The following CDK13 variants were observed in gnomAD, a reference collection of about 807,000 sequenced individuals.
The protein encoded by CDK13 is cyclin-dependent kinase 13.
A neutral mutation model predicts 137.6 loss-of-function variants in CDK13; 40 were observed. The observed-to-expected ratio is 0.29, with a 90% CI of 0.23 to 0.38. The LOEUF is 0.38. Ranked by LOEUF, CDK13 falls within the 10% of genes least tolerant of loss-of-function variation. The probability of loss-of-function intolerance (pLI) is 1.00; values close to 1 mark genes in which losing one functional copy is unlikely to be tolerated. For synonymous variants in CDK13, 869 were observed against 760.1 expected (o/e 1.14, Z -2.36); for missense variants, 1,704 against 1,951.8 (o/e 0.87, Z 2.39).
Position 40,093,255 on chromosome 7 carries a change from A to G in CDK13, c.3688+18A>G, listed in dbSNP as rs1163037504. On this transcript the variant is annotated intron_variant, in intron 13 of 13. Coordinates refer to ENST00000181839, the MANE Select transcript of CDK13 (RefSeq NM_003718.5). ...GGTGTCGGGTAAGTGTGCAGATACC[A>G]GACCACTAACACAGCTGCATTACAT... 5.1e-6 allele frequency: 8 copies of G among 1,577,296 alleles called. No homozygotes were observed. The highest frequency in any genetic ancestry group is 2.2e-5 in the East Asian group (1 of 44,668).
chr7:40,088,206 T>C lies in CDK13; in HGVS notation c.3110T>C (p.Val1037Ala). The C allele has an allele frequency of 1.2e-6, 2 of 1,614,076 alleles. No individual in the cohort carries two copies. The highest frequency in any genetic ancestry group is 1.7e-6 in the Non-Finnish European group (2 of 1,180,002). The change falls in exon 12 of 14, where the codon GTT becomes GCT. Residue 1037 changes from valine to alanine, a missense_variant. By Grantham distance (64) the Val-to-Ala change is moderately conservative (BLOSUM62 0). This residue lies in a region of CDK13 where 475 missense variants were observed against 579.3 expected (regional missense o/e 0.82). Transcript: ENST00000181839. ...RQKQMGMTDD[V>A]STIKAPRKDL... ...AAGCAGATGGGCATGACTGATGATG[T>C]TTCCACAATTAAAGCCCCCAGGAAG...
chr7:40,065,289 C>G (rs1786256201), intron 9 of CDK13, among the ~76,000 whole-genome samples: 1 of 151,896 alleles, frequency 6.6e-6, no homozygotes, highest in Non-Finnish European at 1.5e-5. Context: ...ATGGAAACAA[C>G]AAAGTCTCTT....
intron 1 of CDK13, among the ~76,000 whole-genome samples, chr7:39,983,829 A>AGT (rs1362480264): frequency 6.6e-6 from 1 of 152,216 alleles, no homozygotes; most frequent in East Asian, 1.9e-4. Context: ...CCTATATTAA[A>AGT]GTTAACCAAG....
chr7:39,950,667 T>TG lies in CDK13; in HGVS notation c.32dup (p.Gly12ArgfsTer124). The stretch of plus-strand genomic sequence containing the variant: ...ATGCCGAGCAGCTCGGACACGGCGC[T>TG]GGGGGGAGGCGGGGGCCTGAGCTGG... On this transcript the variant is annotated frameshift_variant, in exon 1 of 14. Coordinates refer to ENST00000181839, the MANE Select transcript of CDK13 (RefSeq NM_003718.5). LOFTEE classifies it high-confidence loss of function. 7.3e-7 allele frequency: 1 copy of TG among 1,375,540 alleles called. No homozygotes were observed. The highest frequency in any genetic ancestry group is 9.4e-7 in the Non-Finnish European group (1 of 1,068,594). The allele number at this position is 1,375,540 out of a possible 1,614,324, so 85.2% of individuals were successfully genotyped here. A position where few individuals can be genotyped will look rare whatever the true frequency, so the allele number is the denominator to read the frequency against.
intron 2 of CDK13, among the ~76,000 whole-genome samples, chr7:39,992,006 T>TGCAC (rs1233912389): frequency 6.6e-6 from 1 of 151,848 alleles, no homozygotes; most frequent in East Asian, 2.0e-4. Flanking sequence ...GAGCTGTGAT[T>TGCAC]GCACCACTGC....
chr7:39,953,990 T>C (rs1787324214), intron 1 of CDK13, among the ~76,000 whole-genome samples: 1 of 152,268 alleles, frequency 6.6e-6, no homozygotes, highest in Non-Finnish European at 1.5e-5. Flanking sequence ...TTTTAAAGCA[T>C]GCAGCCTTAC....
chr7:40,031,864 A>T (rs1785388671), intron 5 of CDK13, among the ~76,000 whole-genome samples: 1 of 138,378 alleles, frequency 7.2e-6, no homozygotes, highest in African/African-American at 2.6e-5. Context: ...TATTATTATT[A>T]TTGGGAGAAA....
Position 40,088,135 on chromosome 7 carries a change from A to G in CDK13, c.3039A>G (p.Leu1013=). 6.2e-7 allele frequency: 1 copy of G among 1,608,864 alleles called. No individual in the cohort carries two copies. The highest frequency in any genetic ancestry group is 8.5e-7 in the Non-Finnish European group (1 of 1,177,862). ...CCTTTTTTTTTTTCAGTCTCCCTTTATGGCAAGATTGTCATGAGTTATGGA... is the reference window on the plus strand; with the variant it reads ...CCTTTTTTTTTTTCAGTCTCCCTTTGTGGCAAGATTGTCATGAGTTATGGA... ...PSKMPPPDLP[L]WQDCHELWSK... is the part of the protein sequence containing the mutation. The change falls in exon 12 of 14, where the codon TTA becomes TTG. Residue 1013 remains leucine, a synonymous_variant. Coordinates refer to ENST00000181839, the MANE Select transcript of CDK13 (RefSeq NM_003718.5).
At chr7:40,056,125 T>C (rs1562752684) in intron 7 of CDK13, among the ~76,000 whole-genome samples, 1 of 152,208 alleles carries the variant, frequency 6.6e-6, no homozygotes, top group Non-Finnish European at 1.5e-5. Context: ...TATTCTCTTC[T>C]GACTCCACCT....
chr7:40,058,907 CTT>C (rs1280047447), intron 7 of CDK13, among the ~76,000 whole-genome samples: 1 of 152,052 alleles, frequency 6.6e-6, no homozygotes, highest in African/African-American at 2.4e-5. Flanking sequence ...TGAAGACTCT[CTT>C]TGTCTCAAAA....
chr7:40,085,854 GTTACT>G (rs1786775675), intron 11 of CDK13: 1 of 152,118 alleles, frequency 6.6e-6, no homozygotes, highest in South Asian at 2.1e-4. Context: ...ATTTATTTTA[GTTACT>G]TTAGTTATTT....
At chr7:40,073,558 CTTTT>C (rs1013359801) in intron 9 of CDK13, 1 of 119,828 alleles carries the variant, frequency 8.3e-6, no homozygotes, top group South Asian at 2.7e-4. Context: ...GCTTTTCTTT[CTTTT>C]TCTTTTTCTT....
intron 5 of CDK13, among the ~76,000 whole-genome samples, chr7:40,039,081 C>CT (rs1363231242): frequency 2.0e-5 from 3 of 151,724 alleles, no homozygotes; most frequent in East Asian, 3.9e-4. Flanking sequence ...AATTGTCTCT[C>CT]TTTCTCACTT....
At chr7:40,079,903 T>C (rs951955349) in intron 11 of CDK13, among the ~76,000 whole-genome samples, 1 of 152,134 alleles carries the variant, frequency 6.6e-6, no homozygotes, top group Non-Finnish European at 1.5e-5. Context: ...TAGGATTGAT[T>C]TGGGGAGTAG....
In CDK13 at chr7:40,087,546, G is replaced by GTTTT. The variant is rs35686770; in HGVS notation, c.3030-563_3030-560dup. On this transcript the variant is annotated intron_variant, in intron 11 of 13. Transcript: ENST00000181839. The stretch of plus-strand genomic sequence containing the variant: ...AGGTTGCACCAACAGCAATAGTGGT[G>GTTTT]TTTTTTTTTTTTTTTTTTTTGAGAC... Among the ~76,000 whole-genome samples, 184 of 112,016 alleles carry GTTTT rather than the reference G, an allele frequency of 1.6e-3. 6 individuals carry two copies. Among genetic ancestry groups the GTTTT allele is most frequent in the African/African-American group, 5.6e-3 (154 of 27,290 alleles). 73.5% of individuals were successfully genotyped at this position (112,016 alleles called of 152,430 possible).
chr7:40,021,188 A>T (rs1405200706), intron 5 of CDK13, among the ~76,000 whole-genome samples: 1 of 150,552 alleles, frequency 6.6e-6, no homozygotes, highest in Non-Finnish European at 1.5e-5. Context: ...AGATCAGTTC[A>T]TACGCTTTCT....
rs1207284866 is a variant in CDK13 at position 40,062,930 on chromosome 7, A to G, written c.2702+3A>G. 16 of 1,610,320 alleles carry G rather than the reference A, an allele frequency of 9.9e-6. No individual in the cohort carries two copies. The highest frequency in any genetic ancestry group is 1.4e-5 in the Non-Finnish European group (16 of 1,176,682). ...GCCATTGATGTATGGAGCTGTGGGT[A>G]AGATAGCCTTATTTACTGGTTTATT... On this transcript the variant is annotated splice_donor_region_variant and intron_variant, in intron 8 of 13. Transcript: ENST00000181839.
At chr7:40,025,505 C>T (rs765728729) in intron 5 of CDK13, among the ~76,000 whole-genome samples, 18 of 152,212 alleles carry the variant, frequency 1.2e-4, no homozygotes, top group Admixed American at 3.3e-4. Context: ...CTACTTTCAA[C>T]CTTTGCCAAC....
chr7:40,031,669 A>G (rs1052097102), intron 5 of CDK13, among the ~76,000 whole-genome samples: 4 of 151,882 alleles, frequency 2.6e-5, no homozygotes, highest in Admixed American at 2.0e-4. Context: ...TTTTGGAGAC[A>G]GGATCTCGCT....
Sources: gnomAD v4.1 joint callset for allele counts (sites outside exome capture counted in the v4.1 genomes callset) on GRCh38, gnomAD v4.1.1 for gene constraint, gnomAD v4.1.1 regional missense constraint, MANE v1.5 for transcripts, NCBI Gene and HGNC (gene_info 2026-07-23, HGNC 2026-07-21) for gene names.